Variants in KIAA1217 observed in about 807,000 individuals in gnomAD.
The protein encoded by KIAA1217 is sickle tail protein homolog.
A neutral mutation model predicts 163.9 loss-of-function variants in KIAA1217; 88 were observed. The ratio of observed to expected loss-of-function variants is 0.54; its 90% CI spans 0.45 to 0.64. The LOEUF (loss-of-function observed/expected upper bound fraction) is 0.64, where lower values mean the gene tolerates loss of function less well. Among genes scored for constraint, KIAA1217 ranks in the 30% least tolerant of loss-of-function variants. KIAA1217 has a pLI of 0.00. For synonymous variants in KIAA1217, 903 were observed against 923.1 expected, an observed-to-expected ratio of 0.98 and a Z score of 0.39; for missense variants, 2,372 against 2,475.0, an observed-to-expected ratio of 0.96 and a Z score of 0.88.
At chr10:23,884,815 G>A (rs1249357636) in intron 1 of KIAA1217, among the ~76,000 whole-genome samples, 3 of 151,922 alleles carry the variant, frequency 2.0e-5, no homozygotes, top group African/African-American at 7.2e-5. Flanking sequence ...CCAGCAACTT[G>A]CTTACTAGTT....
At position 24,097,044 on chromosome 10, in the gene KIAA1217, G is replaced by A. The variant is rs2062192053; in HGVS notation, c.-171+89670G>A. Among the ~76,000 whole-genome samples, 4 of 152,236 alleles carry A rather than the reference G, an allele frequency of 2.6e-5. No homozygotes were observed. The South Asian group carries it at 8.3e-4, about 32-fold the overall frequency. ...TAACGGTGGGCCATTGAAGGCATTCGTGCATGGAAAGACACTGGGGATTGT... is the reference window on the plus strand; with the variant it reads ...TAACGGTGGGCCATTGAAGGCATTCATGCATGGAAAGACACTGGGGATTGT... On this transcript the variant is annotated intron_variant, in intron 2 of 18. Coordinates refer to the KIAA1217 transcript ENST00000376462.
chr10:23,970,485 G>A (rs1845268845), intron 1 of KIAA1217, among the ~76,000 whole-genome samples: 1 of 152,170 alleles, frequency 6.6e-6, no homozygotes, highest in East Asian at 1.9e-4. Context: ...AGCTGGGCGA[G>A]GTGTTGCTTG....
chr10:24,449,587 C>T, intron 5 of KIAA1217: 2 of 985,404 alleles, frequency 2.0e-6, no homozygotes. Flanking sequence ...AGAGTGGATA[C>T]TGCTCCTTTA....
At chr10:24,508,361 G>C (rs561637629) in intron 9 of KIAA1217, among the ~76,000 whole-genome samples, 38 of 152,292 alleles carry the variant, frequency 2.5e-4, no homozygotes, top group African/African-American at 9.1e-4. Context: ...GATAAACAAT[G>C]TTTGTGAATG....
At chr10:24,287,901 T>A (rs1267017774) in intron 2 of KIAA1217, among the ~76,000 whole-genome samples, 1 of 152,088 alleles carries the variant, frequency 6.6e-6, no homozygotes, top group East Asian at 1.9e-4. Context: ...AACATGAGGG[T>A]ATTTTGTTTT....
chr10:24,126,723 T>G (rs2063484939), intron 2 of KIAA1217, among the ~76,000 whole-genome samples: 2 of 152,086 alleles, frequency 1.3e-5, no homozygotes, highest in African/African-American at 4.8e-5. Context: ...GGTTATAAAT[T>G]CTGAGTGATA....
Position 24,473,614 on chromosome 10 carries a change from T to C in KIAA1217, c.1233T>C (p.Gly411=), listed in dbSNP as rs780473692. The C allele has an allele frequency of 8.1e-6, 13 of 1,614,142 alleles. No individual in the cohort carries two copies. Among genetic ancestry groups the C allele is most frequent in the Non-Finnish European group, 1.1e-5 (13 of 1,180,004 alleles). ...GGATGAGCATAGCCTCATCCCATGGTGGACACCCACTGGATGTCCCCGACC... is the reference window on the plus strand; with the variant it reads ...GGATGAGCATAGCCTCATCCCATGGCGGACACCCACTGGATGTCCCCGACC... ...EGRMSIASSH[G]GHPLDVPDHI... is the part of the protein sequence containing the mutation. Residue 411 remains glycine (G), a synonymous_variant, in exon 6 of 21, where the codon GGT becomes GGC. Coordinates refer to ENST00000376454, the MANE Select transcript of KIAA1217 (RefSeq NM_019590.5).
In KIAA1217 at chr10:24,293,361, G is replaced by A. The variant is rs1356845815; in HGVS notation, c.354+73452G>A. 2.6e-5 allele frequency among the ~76,000 whole-genome samples: 4 copies of A among 152,210 alleles called. No individual in the cohort carries two copies. The East Asian group carries it at 5.8e-4, about 22-fold the overall frequency. ...GCTGGGATTACAGGCGTGAGCCACC[G>A]CGCCTGGCTGGGAAGTCTTTTTTAA... On this transcript the variant is annotated intron_variant, in intron 2 of 20. Transcript: ENST00000376454.
chr10:24,166,823 A>G (rs115953002), intron 2 of KIAA1217, among the ~76,000 whole-genome samples: 2,236 of 152,292 alleles, frequency 0.015, 61 homozygotes, highest in African/African-American at 0.051. Context: ...GGACATCCCA[A>G]TTACCCTGAT....
intron 2 of KIAA1217, among the ~76,000 whole-genome samples, chr10:24,268,386 A>C (rs2076437611): frequency 1.3e-5 from 2 of 152,260 alleles, no homozygotes; most frequent in Middle Eastern, 3.4e-3. Context: ...ACCCCATCAA[A>C]AAGTGGGCAA....
At chr10:24,343,259 A>T (rs1220524012) in intron 2 of KIAA1217, among the ~76,000 whole-genome samples, 1 of 152,216 alleles carries the variant, frequency 6.6e-6, no homozygotes, top group East Asian at 1.9e-4. Context: ...TCTGCAACAT[A>T]TAAGAATGCT....
intron 1 of KIAA1217, among the ~76,000 whole-genome samples, chr10:23,854,102 T>A (rs1228487646): frequency 6.6e-6 from 1 of 152,156 alleles, no homozygotes; most frequent in East Asian, 1.9e-4. Flanking sequence ...TTAATTGTGA[T>A]GTTAGGGTGT....
chr10:24,505,503 A>G (rs986605591), intron 9 of KIAA1217, among the ~76,000 whole-genome samples: 2 of 152,024 alleles, frequency 1.3e-5, no homozygotes, highest in African/African-American at 2.4e-5. Flanking sequence ...ATGCCACAGT[A>G]CTTGGATTTT....
At chr10:24,469,879 T>G (rs1051889521) in intron 5 of KIAA1217, among the ~76,000 whole-genome samples, 3 of 152,258 alleles carry the variant, frequency 2.0e-5, no homozygotes, top group African/African-American at 7.2e-5. Context: ...CCCAAAGTGC[T>G]GGGATTACAG....
Position 23,878,141 on chromosome 10 carries a change from C to A in KIAA1217, c.-320-129084C>A, listed in dbSNP as rs892327467. 3.3e-5 allele frequency among the ~76,000 whole-genome samples: 5 copies of A among 151,946 alleles called. No homozygotes were observed. The East Asian group carries it at 7.8e-4, about 24-fold the overall frequency. ...TGAGACAGTTTGGCTGTGAGCAGTG[C>A]GAGACGTTGAGTTAGATCATGGCAA... On this transcript the variant is annotated intron_variant, in intron 1 of 18. Coordinates refer to the KIAA1217 transcript ENST00000376462.
At position 24,118,779 on chromosome 10, in the gene KIAA1217, A is replaced by G. The variant is rs996526186; in HGVS notation, c.-170-100847A>G. On this transcript the variant is annotated intron_variant, in intron 2 of 18. Coordinates refer to the KIAA1217 transcript ENST00000376462. ...CATGGACATTTGAAGAAATAAATAT[A>G]AAAGGAAGATTTCTCAAAGATTTGT... Among the ~76,000 whole-genome samples, 4 of 152,044 alleles carry G rather than the reference A, an allele frequency of 2.6e-5. No individual in the cohort carries two copies. The South Asian group carries it at 6.2e-4, about 24-fold the overall frequency.
intron 1 of KIAA1217, among the ~76,000 whole-genome samples, chr10:23,703,118 C>T (rs1393337510): frequency 6.6e-6 from 1 of 152,144 alleles, no homozygotes; most frequent in Non-Finnish European, 1.5e-5. Flanking sequence ...ATGCCAGGAA[C>T]TTGTTTTCAC....
intron 1 of KIAA1217, among the ~76,000 whole-genome samples, chr10:23,900,372 A>G (rs1211979289): frequency 2.0e-5 from 3 of 151,994 alleles, no homozygotes; most frequent in Non-Finnish European, 4.4e-5. Context: ...ATGGTTCCCA[A>G]TGGGGACGTT....
chr10:24,494,983 A>G, intron 7 of KIAA1217, 164 bp from the exon 8 acceptor site: 1 of 622,812 alleles, frequency 1.6e-6, no homozygotes, highest in Non-Finnish European at 2.8e-6. Context: ...CACACCTGGG[A>G]AGCCTTTTCC....
Sources: allele counts gnomAD v4.1 joint callset (sites outside exome capture counted in the v4.1 genomes callset), GRCh38; gene constraint gnomAD v4.1.1; transcripts MANE v1.5; gene names NCBI Gene and HGNC (gene_info 2026-07-23, HGNC 2026-07-21).